The following DDX10 variants were observed in gnomAD, a reference collection of about 807,000 sequenced individuals.
DDX10 encodes DEAD-box helicase 10.
A neutral mutation model predicts 104.3 loss-of-function variants in DDX10; 74 were observed. That is an observed-to-expected ratio of 0.71 (90% CI 0.59 to 0.86). DDX10 has a LOEUF of 0.86. Ranked by LOEUF, DDX10 falls within the 40% of genes least tolerant of loss-of-function variation. The pLI is 0.00. For missense variants in DDX10, 952 were observed against 1,040.0 expected (o/e 0.92, Z 1.16); for synonymous variants, 351 against 353.4 (o/e 0.99, Z 0.08).
intron 9 of DDX10, among the ~76,000 whole-genome samples, chr11:108,703,870 G>T (rs913383761): frequency 6.6e-6 from 1 of 152,122 alleles, no homozygotes; most frequent in African/African-American, 2.4e-5. Context: ...ATGTTTTAGG[G>T]AAAAGATGTG....
At chr11:108,921,731 G>A (rs1198149930) in intron 17 of DDX10, 1 of 152,230 alleles carries the variant, frequency 6.6e-6, no homozygotes, top group African/African-American at 2.4e-5. Flanking sequence ...AGGCCGAGAT[G>A]AGTGGATCAC....
At chr11:108,855,829 T>C (rs1418187240) in intron 16 of DDX10, among the ~76,000 whole-genome samples, 1 of 151,852 alleles carries the variant, frequency 6.6e-6, no homozygotes, top group Non-Finnish European at 1.5e-5. Flanking sequence ...GAACAAAGAG[T>C]AGGAAAGAGC....
intron 13 of DDX10, among the ~76,000 whole-genome samples, chr11:108,736,213 A>G (rs1247477042): frequency 1.8e-5 from 2 of 110,744 alleles, no homozygotes; most frequent in African/African-American, 7.1e-5. Flanking sequence ...AGGTTGGATT[A>G]TTTTATCTTT....
intron 13 of DDX10, among the ~76,000 whole-genome samples, chr11:108,811,182 G>A (rs1434785201): frequency 1.3e-5 from 2 of 152,080 alleles, no homozygotes; most frequent in Admixed American, 6.6e-5. Context: ...GTGTATACTG[G>A]GGATGACTTT....
At chr11:108,820,901 A>G (rs1011371917) in intron 13 of DDX10, among the ~76,000 whole-genome samples, 1 of 152,238 alleles carries the variant, frequency 6.6e-6, no homozygotes. Context: ...TATGCTATTT[A>G]AGCAAACTGA....
chr11:108,841,250 A>AAAG, intron 14 of DDX10, 65 bp from the exon 15 acceptor site: 3 of 1,390,724 alleles, frequency 2.2e-6, no homozygotes, highest in Non-Finnish European at 3.0e-6. Flanking sequence ...TCATCAGACA[A>AAAG]AATGAAGTGT....
At chr11:108,740,094 G>C (rs2094323355) in intron 13 of DDX10, among the ~76,000 whole-genome samples, 1 of 151,610 alleles carries the variant, frequency 6.6e-6, no homozygotes, top group South Asian at 2.1e-4. Context: ...CAGGTGATAA[G>C]CATAGTACCT....
chr11:108,668,462 A>G (rs1175183603), intron 1 of DDX10, among the ~76,000 whole-genome samples: 1 of 152,230 alleles, frequency 6.6e-6, no homozygotes, highest in Non-Finnish European at 1.5e-5. Flanking sequence ...AAATAAATGC[A>G]GTGTGAAATC....
chr11:108,726,096 C>T (rs768128234), intron 13 of DDX10, among the ~76,000 whole-genome samples: 2 of 151,960 alleles, frequency 1.3e-5, no homozygotes, highest in Non-Finnish European at 2.9e-5. Context: ...TTCAAAGATA[C>T]GTCTGTCCTT....
chr11:108,674,442 G>A (rs1043501315), intron 2 of DDX10, among the ~76,000 whole-genome samples: 5 of 151,490 alleles, frequency 3.3e-5, no homozygotes, highest in Non-Finnish European at 4.4e-5. Flanking sequence ...AATCTACTTA[G>A]TATTTTTTCT....
chr11:108,840,466 A>G (rs1862621772), intron 14 of DDX10, among the ~76,000 whole-genome samples: 1 of 152,180 alleles, frequency 6.6e-6, no homozygotes, highest in Non-Finnish European at 1.5e-5. Flanking sequence ...GTGGTGTTAG[A>G]CTTAGAAATT....
chr11:108,680,046 T>A (rs986624024), intron 6 of DDX10, among the ~76,000 whole-genome samples: 8 of 152,218 alleles, frequency 5.3e-5, no homozygotes, highest in African/African-American at 7.2e-5. Context: ...TACTAATGTG[T>A]TATGGAACAC....
intron 16 of DDX10, among the ~76,000 whole-genome samples, chr11:108,890,707 A>C (rs1863364824): frequency 6.6e-6 from 1 of 152,164 alleles, no homozygotes; most frequent in African/African-American, 2.4e-5. Context: ...TGTTTATTAC[A>C]CTGAGTTCTA....
intron 13 of DDX10, among the ~76,000 whole-genome samples, chr11:108,763,642 A>G (rs1427251156): frequency 1.3e-5 from 2 of 152,302 alleles, no homozygotes; most frequent in East Asian, 3.9e-4. Flanking sequence ...CTGTGATACA[A>G]CTAAACTCAT....
chr11:108,871,082 G>C (rs1437543508), intron 16 of DDX10, among the ~76,000 whole-genome samples: 5 of 152,254 alleles, frequency 3.3e-5, no homozygotes, highest in Admixed American at 3.3e-4. Flanking sequence ...GACCCAGATA[G>C]ATATTAGCAC....
rs10646427 is a variant in DDX10, at chr11:108,735,709, T to TA, written c.1965+12258dup. ...TTGAAATAAATTATTTCAAGAACAT[T>TA]AAAAAAAAAAAGTATTCCAGCTTTA... On this transcript the variant is annotated intron_variant, in intron 13 of 17. Coordinates refer to ENST00000322536, the MANE Select transcript of DDX10 (RefSeq NM_004398.4). Among the ~76,000 whole-genome samples the TA allele has an allele frequency of 3.8e-3, 566 of 148,898 alleles. 1 individual carries two copies. The highest frequency in any genetic ancestry group is 6.8e-3 in the Middle Eastern group (2 of 292).
chr11:108,724,447 G>T (rs1025843241), intron 13 of DDX10, among the ~76,000 whole-genome samples: 1 of 152,010 alleles, frequency 6.6e-6, no homozygotes, highest in Non-Finnish European at 1.5e-5. Flanking sequence ...AAGCAATATA[G>T]TACTGTAGTG....
chr11:108,855,690 A>G (rs1467876223), intron 16 of DDX10, among the ~76,000 whole-genome samples: 1 of 152,002 alleles, frequency 6.6e-6, no homozygotes, highest in African/African-American at 2.4e-5. Flanking sequence ...TGATCTCCTG[A>G]CCCCGTGATC....
At chr11:108,787,102 G>C (rs1208348913) in intron 13 of DDX10, among the ~76,000 whole-genome samples, 1 of 152,154 alleles carries the variant, frequency 6.6e-6, no homozygotes, top group Non-Finnish European at 1.5e-5. Flanking sequence ...CACTTACAAA[G>C]CTTAGATTGG....
Sources: allele counts gnomAD v4.1 joint callset (sites outside exome capture counted in the v4.1 genomes callset), GRCh38; gene constraint gnomAD v4.1.1; transcripts MANE v1.5; gene names NCBI Gene and HGNC (gene_info 2026-07-23, HGNC 2026-07-21).